The following HDAC9 variants were observed in gnomAD, a reference collection of about 807,000 sequenced individuals.
HDAC9 encodes the protein MEF-2 interacting transcription repressor (MITR) protein.
Under a neutral mutation model 139.4 loss-of-function variants are expected in HDAC9, and 41 were observed. That is an observed-to-expected ratio of 0.29 (90% CI 0.23 to 0.38). The LOEUF (loss-of-function observed/expected upper bound fraction) is 0.38. Among genes scored for constraint, HDAC9 ranks in the 10% least tolerant of loss-of-function variants. The pLI is 1.00. For synonymous variants in HDAC9, 517 were observed against 476.2 expected, an observed-to-expected ratio of 1.09 and a Z score of -1.12; for missense variants, 1,147 against 1,297.0, an observed-to-expected ratio of 0.88 and a Z score of 1.78.
intron 12 of HDAC9, among the ~76,000 whole-genome samples, chr7:18,677,239 G>C (rs951810890): frequency 6.6e-6 from 1 of 151,720 alleles, no homozygotes; most frequent in Non-Finnish European, 1.5e-5. Context: ...ATATAAAAAA[G>C]AGTTTGTGAT....
chr7:18,361,758 A>G (rs1783795350), intron 1 of HDAC9, among the ~76,000 whole-genome samples: 1 of 152,152 alleles, frequency 6.6e-6, no homozygotes, highest in South Asian at 2.1e-4. Context: ...TAATTTTCCA[A>G]ATTGTCCATA....
chr7:18,172,674 G>C (rs949537912), intron 2 of HDAC9, among the ~76,000 whole-genome samples: 1 of 152,174 alleles, frequency 6.6e-6, no homozygotes. Flanking sequence ...TGGTTTCAAA[G>C]AACATCTTTA....
At chr7:18,641,964 A>G (rs1785760871) in intron 8 of HDAC9, among the ~76,000 whole-genome samples, 2 of 152,090 alleles carry the variant, frequency 1.3e-5, no homozygotes, top group Admixed American at 1.3e-4. Context: ...GGAAAGCTGT[A>G]TTTAAAGAAA....
At chr7:18,598,774 A>C (rs1018240991) in intron 6 of HDAC9, among the ~76,000 whole-genome samples, 3 of 152,256 alleles carry the variant, frequency 2.0e-5, no homozygotes, top group African/African-American at 7.2e-5. Context: ...ACTAATAAAA[A>C]GGTGATCAAT....
chr7:18,734,468 G>A (rs1005703672), intron 13 of HDAC9, among the ~76,000 whole-genome samples: 1 of 152,152 alleles, frequency 6.6e-6, no homozygotes, highest in African/African-American at 2.4e-5. Context: ...CTGTGAGTGA[G>A]AACATGTGGT....
At chr7:18,437,095 A>G (rs951866030) in intron 1 of HDAC9, among the ~76,000 whole-genome samples, 2 of 152,168 alleles carry the variant, frequency 1.3e-5, no homozygotes, top group African/African-American at 4.8e-5. Flanking sequence ...AGCTGATTTT[A>G]ATTAAAGTTG....
chr7:18,968,023 G>T (rs1002054034), intron 24 of HDAC9, among the ~76,000 whole-genome samples: 2 of 151,806 alleles, frequency 1.3e-5, no homozygotes, highest in Non-Finnish European at 2.9e-5. Context: ...TTAGCCAGGC[G>T]TGGTGGCATA....
chr7:18,202,584 G>C (rs1454578441), intron 2 of HDAC9, among the ~76,000 whole-genome samples: 1 of 152,208 alleles, frequency 6.6e-6, no homozygotes, highest in Non-Finnish European at 1.5e-5. Flanking sequence ...CAGAATTGCA[G>C]ACTAGTAGAT....
chr7:18,969,332 T>C (rs1468652162), intron 24 of HDAC9, among the ~76,000 whole-genome samples: 1 of 152,122 alleles, frequency 6.6e-6, no homozygotes, highest in Non-Finnish European at 1.5e-5. Context: ...TAAATTAGCC[T>C]TACATTAAAG....
chr7:18,576,302 C>T (rs146753662), intron 2 of HDAC9, among the ~76,000 whole-genome samples: 283 of 152,182 alleles, frequency 1.9e-3, no homozygotes, highest in African/African-American at 6.4e-3. Flanking sequence ...TAGCCAGGAA[C>T]GTAACAGAAG....
At chr7:18,973,498 G>A (rs1013450714) in intron 24 of HDAC9, among the ~76,000 whole-genome samples, 1 of 152,164 alleles carries the variant, frequency 6.6e-6, no homozygotes, top group Non-Finnish European at 1.5e-5. Flanking sequence ...TTTAATAGTA[G>A]CGGACACCCA....
intron 15 of HDAC9, among the ~76,000 whole-genome samples, chr7:18,763,030 C>T (rs75031373): frequency 0.028 from 4,246 of 152,186 alleles, 59 homozygotes; most frequent in Middle Eastern, 0.044. Context: ...CAATATCTAA[C>T]ATTGGCAATA....
At chr7:18,200,387 T>C (rs1175290854) in intron 2 of HDAC9, among the ~76,000 whole-genome samples, 2 of 152,226 alleles carry the variant, frequency 1.3e-5, no homozygotes, top group Admixed American at 6.5e-5. Flanking sequence ...TCTATGAGTT[T>C]TGGCTGGATC....
intron 2 of HDAC9, among the ~76,000 whole-genome samples, chr7:18,273,071 T>G (rs1489412072): frequency 7.4e-6 from 1 of 134,418 alleles, no homozygotes; most frequent in Admixed American, 7.3e-5. Flanking sequence ...TTTTTTTTTT[T>G]TTTTTTTTTT....
In HDAC9 at chr7:18,985,538, G is replaced by A. The variant is rs374410109; in HGVS notation, c.3170+9585G>A. Among the ~76,000 whole-genome samples the A allele has an allele frequency of 7.9e-3, 1,195 of 151,864 alleles. 16 individuals carry two copies. The East Asian group carries it at 0.085, about 11-fold the overall frequency. On this transcript the variant is annotated intron_variant, in intron 25 of 25. Coordinates refer to ENST00000686413, the MANE Select transcript of HDAC9 (RefSeq NM_178425.4). ...AGTGCCGCAATAAACGTACGTGTGC[G>A]TGTGTCTTTAGAGCAGCATGATTTA...
At chr7:18,797,086 C>T (rs1585053189) in intron 17 of HDAC9, among the ~76,000 whole-genome samples, 1 of 152,116 alleles carries the variant, frequency 6.6e-6, no homozygotes. Flanking sequence ...CTATAGGCAG[C>T]CAGTTTATAT....
At chr7:18,716,621 A>C in intron 12 of HDAC9, among the ~76,000 whole-genome samples, 1 of 152,118 alleles carries the variant, frequency 6.6e-6, no homozygotes. Flanking sequence ...GTCTGAGGAT[A>C]CCAGAAGCAA....
At position 18,448,221 on chromosome 7, in the gene HDAC9, A is replaced by G. The variant is rs1056639564; in HGVS notation, c.-41-48041A>G. Among the ~76,000 whole-genome samples, 8 of 152,330 alleles carry G rather than the reference A, an allele frequency of 5.3e-5. No individual in the cohort carries two copies. In the East Asian group the frequency reaches 1.4e-3, roughly 26 times the overall value. On this transcript the variant is annotated intron_variant, in intron 1 of 3. Coordinates refer to the HDAC9 transcript ENST00000413509. ...AACTGTGATTGTTATAAATTATTCC[A>G]TAAACTCTTATGTGGGAAACACATT...
chr7:18,585,326 C>A lies in HDAC9; in HGVS notation c.68C>A (p.Pro23His). Residue 23 changes from proline to histidine, a missense_variant, in exon 3 of 26, where the codon CCT (proline) becomes CAT (histidine). Coordinates refer to ENST00000686413, the MANE Select transcript of HDAC9 (RefSeq NM_178425.4). Reference sequence around the variant, plus strand: ...CCTGTGGGCCTGGAGCCCATCTCACCTTTAGACCTAAGGACAGACCTCAGG... The same window carrying A: ...CCTGTGGGCCTGGAGCCCATCTCACATTTAGACCTAAGGACAGACCTCAGG... ...EVPVGLEPIS[P>H]LDLRTDLRMM... 1 of 1,613,842 alleles carries A rather than the reference C, an allele frequency of 6.2e-7. No homozygotes were observed. The highest frequency in any genetic ancestry group is 8.5e-7 in the Non-Finnish European group (1 of 1,179,882).
Sources: gnomAD v4.1 joint callset for allele counts (sites outside exome capture counted in the v4.1 genomes callset) on GRCh38, gnomAD v4.1.1 for gene constraint, MANE v1.5 for transcripts, NCBI Gene and HGNC (gene_info 2026-07-23, HGNC 2026-07-21) for gene names.